Variants in CNTNAP2 observed in about 807,000 individuals in gnomAD.
The protein encoded by CNTNAP2 is contactin-associated protein-like 2.
In CNTNAP2, 98 loss-of-function variants were observed where a neutral mutation model predicts 155.2. The observed-to-expected ratio is 0.63, with a 90% CI of 0.54 to 0.75. The LOEUF is 0.75. Ranked by LOEUF, CNTNAP2 falls within the 30% of genes least tolerant of loss-of-function variation. CNTNAP2 has a pLI of 0.00. For missense variants in CNTNAP2, 1,727 were observed against 1,688.1 expected (o/e 1.02, Z -0.40); for synonymous variants, 651 against 631.2 (o/e 1.03, Z -0.47).
rs1383419673 is a variant in CNTNAP2, at chr7:147,623,508, T to C, written c.1898-15598T>C. ...AATCAAAATGTAATCCCATTTACAATAGCCACAGATAAAATTAAATACCTG... is the reference window on the plus strand; with the variant it reads ...AATCAAAATGTAATCCCATTTACAACAGCCACAGATAAAATTAAATACCTG... On this transcript the variant is annotated intron_variant, in intron 12 of 23. Transcript: ENST00000361727. Among the ~76,000 whole-genome samples the C allele has an allele frequency of 3.3e-5, 5 of 152,118 alleles. No homozygotes were observed. The South Asian group carries it at 6.2e-4, about 19-fold the overall frequency.
chr7:147,302,878 T>G (rs1794969253), intron 9 of CNTNAP2, among the ~76,000 whole-genome samples: 1 of 152,186 alleles, frequency 6.6e-6, no homozygotes, highest in South Asian at 2.1e-4. Context: ...AATGAACAAT[T>G]ATTACCAAGA....
chr7:146,287,858 T>C (rs1028580766), intron 1 of CNTNAP2, among the ~76,000 whole-genome samples: 1 of 152,208 alleles, frequency 6.6e-6, no homozygotes, highest in African/African-American at 2.4e-5. Context: ...ATTATTGTTA[T>C]CTTACCTGGA....
At chr7:148,171,187 C>A (rs1014560460) in intron 17 of CNTNAP2, among the ~76,000 whole-genome samples, 2 of 152,084 alleles carry the variant, frequency 1.3e-5, no homozygotes, top group East Asian at 3.9e-4. Flanking sequence ...TTGTGAGGAC[C>A]AGGTGAGTAG....
chr7:148,305,644 C>A (rs1797478307), intron 21 of CNTNAP2, among the ~76,000 whole-genome samples: 1 of 152,204 alleles, frequency 6.6e-6, no homozygotes, highest in African/African-American at 2.4e-5. Flanking sequence ...GCATGTCTTA[C>A]CTCTGCAAAG....
intron 1 of CNTNAP2, among the ~76,000 whole-genome samples, chr7:146,165,305 A>G (rs1798296449): frequency 6.6e-6 from 1 of 152,198 alleles, no homozygotes; most frequent in Non-Finnish European, 1.5e-5. Context: ...TTTCTTAATT[A>G]AAATTAGTTA....
At chr7:146,317,665 T>A (rs1193894481) in intron 1 of CNTNAP2, among the ~76,000 whole-genome samples, 1 of 152,236 alleles carries the variant, frequency 6.6e-6, no homozygotes, top group East Asian at 1.9e-4. Flanking sequence ...TATTCTTTTT[T>A]AATTGGTTCT....
At chr7:146,495,430 T>A (rs1023676996) in intron 1 of CNTNAP2, among the ~76,000 whole-genome samples, 1 of 152,110 alleles carries the variant, frequency 6.6e-6, no homozygotes. Flanking sequence ...TTGCCTCTGA[T>A]AATTAGTTAC....
rs568653133 is a variant in CNTNAP2 at position 147,300,198 on chromosome 7, T to C, written c.1406T>C (p.Phe469Ser). 54 of 1,613,934 alleles carry C rather than the reference T, an allele frequency of 3.3e-5. No individual in the cohort carries two copies. Among genetic ancestry groups the C allele is most frequent in the Non-Finnish European group, 4.4e-5 (52 of 1,179,962 alleles). ...HEVRFLAKENFAILTIDGDEA... is the reference protein window; with the variant it reads ...HEVRFLAKENSAILTIDGDEA... ...GTTCGCTTCCTAGCCAAGGAAAATT[T>C]TGCTATTCTCACCATCGATGGAGAT... Residue 469 changes from phenylalanine (F) to serine (S), a missense_variant, in exon 9 of 24, where the codon TTT becomes TCT. Physicochemically the swap from Phe to Ser is radical, Grantham distance 155. Transcript: ENST00000361727.
intron 1 of CNTNAP2, among the ~76,000 whole-genome samples, chr7:146,250,955 T>G (rs956184741): frequency 1.3e-5 from 2 of 152,170 alleles, no homozygotes; most frequent in Non-Finnish European, 1.5e-5. Flanking sequence ...GGTGACAAAA[T>G]AGCCATTATT....
intron 13 of CNTNAP2, among the ~76,000 whole-genome samples, chr7:147,671,437 AG>A (rs1795785231): frequency 6.6e-6 from 1 of 152,222 alleles, no homozygotes; most frequent in African/African-American, 2.4e-5. Flanking sequence ...ATAGACACAG[AG>A]TCAAGAACTC....
chr7:148,144,526 G>C (rs59230943), intron 16 of CNTNAP2, among the ~76,000 whole-genome samples: 1 of 152,060 alleles, frequency 6.6e-6, no homozygotes, highest in African/African-American at 2.4e-5. Context: ...AGCATCATCA[G>C]ACTGTGGCCA....
At chr7:147,463,797 G>T (rs59684771) in intron 10 of CNTNAP2, among the ~76,000 whole-genome samples, 1 of 152,060 alleles carries the variant, frequency 6.6e-6, no homozygotes, top group Non-Finnish European at 1.5e-5. Flanking sequence ...AGGTAAAATA[G>T]CAAGGACCAT....
At chr7:147,095,900 A>G (rs947454243) in intron 4 of CNTNAP2, among the ~76,000 whole-genome samples, 1 of 152,184 alleles carries the variant, frequency 6.6e-6, no homozygotes, top group African/African-American at 2.4e-5. Context: ...CAGCAACAAC[A>G]AAACGACAGG....
rs111611444 is a variant in CNTNAP2, at chr7:147,738,650, C to CTTTTTTTTTTTTTTTTTT, written c.2098+99355_2098+99356insTTTTTTTTTTTTTTTTTT. Among the ~76,000 whole-genome samples the CTTTTTTTTTTTTTTTTTT allele has an allele frequency of 1.4e-4, 8 of 57,542 alleles. 2 individuals are homozygous for CTTTTTTTTTTTTTTTTTT. Among genetic ancestry groups the CTTTTTTTTTTTTTTTTTT allele is most frequent in the African/African-American group, 1.3e-4 (2 of 15,418 alleles). The allele number at this position is 57,542 out of a possible 152,430, so 37.7% of individuals were successfully genotyped here. On this transcript the variant is annotated intron_variant, in intron 13 of 23. Transcript: ENST00000361727. Reference sequence around the variant, plus strand: ...TAGACACAGTATAATGTAAACATAACTTTTTTTTTTTATTTTTTTTTTTAG... The same window carrying CTTTTTTTTTTTTTTTTTT: ...TAGACACAGTATAATGTAAACATAACTTTTTTTTTTTTTTTTTTTTTTTTTTTTTATTTTTTTTTTTAG...
At chr7:146,505,459 C>T (rs941267743) in intron 1 of CNTNAP2, among the ~76,000 whole-genome samples, 1 of 152,204 alleles carries the variant, frequency 6.6e-6, no homozygotes, top group African/African-American at 2.4e-5. Flanking sequence ...TTTTCAGCAC[C>T]CCATGGTTCC....
intron 1 of CNTNAP2, among the ~76,000 whole-genome samples, chr7:146,600,329 TTAAA>T (rs1308440864): frequency 2.0e-5 from 3 of 152,192 alleles, no homozygotes; most frequent in African/African-American, 7.2e-5. Flanking sequence ...TAAAATATGT[TTAAA>T]TAATCTTATT....
chr7:147,221,442 T>C (rs1027097764), intron 8 of CNTNAP2, among the ~76,000 whole-genome samples: 1 of 152,096 alleles, frequency 6.6e-6, no homozygotes, highest in African/African-American at 2.4e-5. Context: ...GCAGTGATGC[T>C]GGGCTGCAGC....
chr7:146,620,194 CTT>C (rs1342614138), intron 1 of CNTNAP2, among the ~76,000 whole-genome samples: 1 of 152,130 alleles, frequency 6.6e-6, no homozygotes, highest in Non-Finnish European at 1.5e-5. Context: ...CATAAAAGAA[CTT>C]AAGCAGGGAG....
chr7:147,399,970 A>G (rs1481200167), intron 10 of CNTNAP2, among the ~76,000 whole-genome samples: 1 of 152,176 alleles, frequency 6.6e-6, no homozygotes, highest in Non-Finnish European at 1.5e-5. Flanking sequence ...GAGAAAGGTA[A>G]AATACCCAGA....
Sources: allele counts gnomAD v4.1 joint callset (sites outside exome capture counted in the v4.1 genomes callset), GRCh38; gene constraint gnomAD v4.1.1; transcripts MANE v1.5; gene names NCBI Gene and HGNC (gene_info 2026-07-23, HGNC 2026-07-21).